Variants in CRADD observed in about 807,000 individuals in gnomAD.
CRADD encodes death domain-containing protein CRADD.
In CRADD, 9 loss-of-function variants were observed where a neutral mutation model predicts 15.5. That is an observed-to-expected ratio of 0.58 (90% confidence interval 0.35 to 1.01). The LOEUF (loss-of-function observed/expected upper bound fraction) is 1.01, where lower values mean the gene tolerates loss of function less well. Among genes scored for constraint, CRADD ranks in the 50% least tolerant of loss-of-function variants. The pLI, the probability that CRADD is intolerant of heterozygous loss-of-function variation, is 0.02. For synonymous variants in CRADD, 118 were observed against 107.6 expected (o/e 1.10, Z -0.60); for missense variants, 227 against 250.3 (o/e 0.91, Z 0.63).
At chr12:93,775,511 A>C (rs1191147461) in intron 2 of CRADD, among the ~76,000 whole-genome samples, 1 of 152,198 alleles carries the variant, frequency 6.6e-6, no homozygotes, top group Non-Finnish European at 1.5e-5. Context: ...TCTCAAGTAT[A>C]GTTACTAAAT....
chr12:93,685,898 C>G lies in CRADD; in HGVS notation c.298+6826C>G, dbSNP rs776595723. Among the ~76,000 whole-genome samples the G allele has an allele frequency of 2.6e-4, 40 of 152,046 alleles. 1 individual carries two copies. The highest frequency in any genetic ancestry group is 5.3e-4 in the Non-Finnish European group (36 of 68,016). ...ATCCCAGCTACTTGGGAGGCTGAGGCAGGAGAATCGCTTGAACCTGGCAGG... is the reference window on the plus strand; with the variant it reads ...ATCCCAGCTACTTGGGAGGCTGAGGGAGGAGAATCGCTTGAACCTGGCAGG... On this transcript the variant is annotated intron_variant, in intron 2 of 2. Coordinates refer to ENST00000332896, the MANE Select transcript of CRADD (RefSeq NM_003805.5).
intron 2 of CRADD, among the ~76,000 whole-genome samples, chr12:93,781,035 T>C (rs1430814218): frequency 6.6e-6 from 1 of 151,796 alleles, no homozygotes; most frequent in Non-Finnish European, 1.5e-5. Flanking sequence ...GGATTACAAG[T>C]GTGAGCCACC....
intron 2 of CRADD, among the ~76,000 whole-genome samples, chr12:93,710,846 T>G (rs1025998107): frequency 6.6e-6 from 1 of 152,176 alleles, no homozygotes; most frequent in African/African-American, 2.4e-5. Flanking sequence ...CTCCTCAGTA[T>G]GCTTAGATAT....
chr12:93,679,158 T>C (rs1367192748), intron 2 of CRADD, 86 bp downstream of exon 2: 1 of 1,131,820 alleles, frequency 8.8e-7, no homozygotes, highest in African/African-American at 1.5e-5. Flanking sequence ...TTGTTTGTTT[T>C]TGAGACAGAG....
intron 2 of CRADD, among the ~76,000 whole-genome samples, chr12:93,826,241 A>C (rs1169544057): frequency 6.6e-6 from 1 of 152,260 alleles, no homozygotes; most frequent in Non-Finnish European, 1.5e-5. Flanking sequence ...TAAAACTATC[A>C]ATGCTAAATA....
chr12:93,808,201 T>C (rs1019500356), intron 2 of CRADD, among the ~76,000 whole-genome samples: 1 of 151,902 alleles, frequency 6.6e-6, no homozygotes, highest in Admixed American at 6.6e-5. Context: ...CCTGTTCTCA[T>C]GCTGCTAATA....
chr12:93,835,584 A>AT (rs1481347155), intron 2 of CRADD, among the ~76,000 whole-genome samples: 11 of 151,818 alleles, frequency 7.2e-5, no homozygotes, highest in African/African-American at 2.7e-4. Flanking sequence ...GATGGATTAT[A>AT]TTTTTTCTCC....
intron 2 of CRADD, among the ~76,000 whole-genome samples, chr12:93,785,120 A>G (rs989525679): frequency 2.0e-5 from 3 of 152,062 alleles, no homozygotes; most frequent in African/African-American, 7.2e-5. Context: ...TATGTTTGAT[A>G]ATGCATATAC....
chr12:93,764,180 CTTT>C (rs34243041), intron 2 of CRADD, among the ~76,000 whole-genome samples: 96 of 128,352 alleles, frequency 7.5e-4, no homozygotes, highest in African/African-American at 2.3e-3. Flanking sequence ...ACATGATCAA[CTTT>C]TTTTTTTTTT....
At chr12:93,778,926 A>G (rs980400206) in intron 2 of CRADD, among the ~76,000 whole-genome samples, 3 of 152,210 alleles carry the variant, frequency 2.0e-5, no homozygotes, top group Non-Finnish European at 2.9e-5. Context: ...ATCCTTTGCC[A>G]GCCCCTTTAG....
intron 2 of CRADD, among the ~76,000 whole-genome samples, chr12:93,713,558 T>G (rs576685756): frequency 1.1e-4 from 17 of 152,342 alleles, no homozygotes; most frequent in South Asian, 8.3e-4. Context: ...GGATAATTTA[T>G]AATACCTAAT....
At chr12:93,772,709 T>C (rs932549151) in intron 2 of CRADD, among the ~76,000 whole-genome samples, 2 of 152,246 alleles carry the variant, frequency 1.3e-5, no homozygotes, top group Non-Finnish European at 2.9e-5. Flanking sequence ...ATGGGCTTAG[T>C]AGGAGCTTTT....
chr12:93,704,628 C>A (rs1028668170), intron 2 of CRADD, among the ~76,000 whole-genome samples: 3 of 152,216 alleles, frequency 2.0e-5, no homozygotes, highest in Non-Finnish European at 4.4e-5. Flanking sequence ...TCAGAGCCAT[C>A]TTTTAAAAAT....
intron 2 of CRADD, among the ~76,000 whole-genome samples, chr12:93,721,450 AAC>A (rs932304109): frequency 6.6e-6 from 1 of 151,268 alleles, no homozygotes; most frequent in Non-Finnish European, 1.5e-5. Context: ...CACATACACA[AAC>A]ACACACACAT....
At chr12:93,821,248 A>G (rs1957766376) in intron 2 of CRADD, among the ~76,000 whole-genome samples, 1 of 152,194 alleles carries the variant, frequency 6.6e-6, no homozygotes, top group African/African-American at 2.4e-5. Flanking sequence ...TGCCTGCCCC[A>G]GTTCTCCCCA....
intron 1 of CRADD, 141 bp from the exon 2 acceptor site, chr12:93,678,628 A>G: frequency 1.3e-6 from 1 of 773,232 alleles, no homozygotes; most frequent in Non-Finnish European, 2.0e-6. Context: ...TGGCTTAATC[A>G]GTGAATTAAA....
intron 2 of CRADD, among the ~76,000 whole-genome samples, chr12:93,876,825 A>T (rs1958460609): frequency 6.6e-6 from 1 of 152,010 alleles, no homozygotes; most frequent in South Asian, 2.1e-4. Flanking sequence ...TTGGTCCCTG[A>T]TGCCTTATTT....
At chr12:93,679,394 C>T (rs963793233) in intron 2 of CRADD, among the ~76,000 whole-genome samples, 13 of 152,080 alleles carry the variant, frequency 8.5e-5, no homozygotes, top group African/African-American at 2.2e-4. Flanking sequence ...CACCCACCTC[C>T]GCCTCCCAAA....
At chr12:93,721,224 C>T (rs748393047) in intron 2 of CRADD, among the ~76,000 whole-genome samples, 24 of 152,116 alleles carry the variant, frequency 1.6e-4, no homozygotes, top group Non-Finnish European at 2.4e-4. Context: ...AGCCACCATG[C>T]TCCTTTTTTT....
Sources: gnomAD v4.1 joint callset for allele counts (sites outside exome capture counted in the v4.1 genomes callset) on GRCh38, gnomAD v4.1.1 for gene constraint, MANE v1.5 for transcripts, NCBI Gene and HGNC (gene_info 2026-07-23, HGNC 2026-07-21) for gene names.